The following RBMS1 variants were observed in gnomAD, a reference collection of about 807,000 sequenced individuals.
RBMS1 encodes the protein RNA-binding motif, single-stranded-interacting protein 1.
In RBMS1, 17 loss-of-function variants were observed where a neutral mutation model predicts 62.3. The observed-to-expected ratio is 0.27, with a 90% CI of 0.19 to 0.41. RBMS1 has a LOEUF of 0.41. RBMS1 is among the 10% of genes least tolerant of loss of function. RBMS1 has a pLI of 1.00. For missense variants in RBMS1, 334 were observed against 504.5 expected (o/e 0.66, Z 3.24); for synonymous variants, 172 against 170.0 (o/e 1.01, Z -0.09).
intron 2 of RBMS1, among the ~76,000 whole-genome samples, chr2:160,323,597 T>C (rs1268002567): frequency 1.5e-5 from 2 of 137,452 alleles, no homozygotes; most frequent in East Asian, 4.3e-4. Flanking sequence ...CAGCATGATG[T>C]AGAATTTCAT....
At chr2:160,331,727 G>A (rs1227172970) in intron 2 of RBMS1, among the ~76,000 whole-genome samples, 1 of 152,170 alleles carries the variant, frequency 6.6e-6, no homozygotes, top group Non-Finnish European at 1.5e-5. Flanking sequence ...CAAAGAGCTA[G>A]AAATCACATC....
chr2:160,300,908 T>C (rs553008838), intron 5 of RBMS1, among the ~76,000 whole-genome samples, 178 bp from the exon 6 acceptor site: 4 of 152,310 alleles, frequency 2.6e-5, no homozygotes, highest in South Asian at 4.1e-4. Context: ...TGTACTTCTA[T>C]AGTAAAATGA....
intron 2 of RBMS1, among the ~76,000 whole-genome samples, chr2:160,355,072 A>G (rs1399562916): frequency 6.6e-6 from 1 of 152,172 alleles, no homozygotes; most frequent in African/African-American, 2.4e-5. Context: ...AGTTGCAAAC[A>G]CTTTATTAAA....
chr2:160,428,021 G>T (rs1039315407), intron 1 of RBMS1, among the ~76,000 whole-genome samples: 1 of 151,924 alleles, frequency 6.6e-6, no homozygotes, highest in Non-Finnish European at 1.5e-5. Context: ...GTTAAATTAG[G>T]TTATTATAAA....
At chr2:160,291,363 G>T (rs1688669520) in intron 6 of RBMS1, among the ~76,000 whole-genome samples, 1 of 152,154 alleles carries the variant, frequency 6.6e-6, no homozygotes. Flanking sequence ...AGTCCACTCA[G>T]CAACTGTAAT....
At chr2:160,465,051 A>G (rs1684628071) in intron 1 of RBMS1, among the ~76,000 whole-genome samples, 1 of 152,200 alleles carries the variant, frequency 6.6e-6, no homozygotes, top group Admixed American at 6.5e-5. Context: ...AAGCAAATGA[A>G]TCTTGAGGAT....
chr2:160,387,479 C>T (rs1326772206), intron 1 of RBMS1, among the ~76,000 whole-genome samples: 1 of 151,950 alleles, frequency 6.6e-6, no homozygotes, highest in Admixed American at 6.6e-5. Flanking sequence ...GGAGCCACGT[C>T]GTGGTCTGGG....
intron 13 of RBMS1, 35 bp downstream of exon 13, chr2:160,275,595 T>G (rs1207405230): frequency 1.2e-6 from 2 of 1,605,434 alleles, no homozygotes; most frequent in Non-Finnish European, 1.7e-6. Flanking sequence ...GTGCTTGATT[T>G]GAGCCCCCCA....
intron 2 of RBMS1, among the ~76,000 whole-genome samples, chr2:160,321,132 A>G (rs551351363): frequency 6.6e-6 from 1 of 152,116 alleles, no homozygotes; most frequent in African/African-American, 2.4e-5. Flanking sequence ...AAGACAGGAA[A>G]ATGCATGGAG....
At chr2:160,325,149 A>G (rs1346142899) in intron 2 of RBMS1, among the ~76,000 whole-genome samples, 1 of 151,994 alleles carries the variant, frequency 6.6e-6, no homozygotes, top group African/African-American at 2.4e-5. Flanking sequence ...CACCAACCAC[A>G]GACTGTGCCA....
At chr2:160,287,146 G>A (rs377309988) in intron 6 of RBMS1, 62 bp from the exon 7 acceptor site, 2 of 1,594,172 alleles carry the variant, frequency 1.3e-6, no homozygotes, top group East Asian at 4.5e-5. Context: ...ATGACAAAAT[G>A]TATTACAAAA....
chr2:160,281,702 G>GA (rs1165199919), intron 9 of RBMS1: 1 of 205,006 alleles, frequency 4.9e-6, no homozygotes, highest in Admixed American at 5.6e-5. Context: ...CTCAAATAGT[G>GA]AAAAGTGTTA....
chr2:160,352,679 C>T (rs913589521), intron 2 of RBMS1, among the ~76,000 whole-genome samples: 3 of 152,172 alleles, frequency 2.0e-5, no homozygotes, highest in South Asian at 2.1e-4. Flanking sequence ...TGCACATGTC[C>T]GTTCATATAA....
chr2:160,298,339 G>A (rs1027921243), intron 6 of RBMS1, among the ~76,000 whole-genome samples: 3 of 151,938 alleles, frequency 2.0e-5, no homozygotes, highest in Non-Finnish European at 4.4e-5. Context: ...TTCTGGAGAG[G>A]ATGAATATAA....
At chr2:160,389,321 T>C (rs529996750) in intron 1 of RBMS1, among the ~76,000 whole-genome samples, 1 of 152,332 alleles carries the variant, frequency 6.6e-6, no homozygotes, top group South Asian at 2.1e-4. Context: ...TAAATGCTAT[T>C]GTTACAAAGA....
At chr2:160,444,844 G>A (rs1683576193) in intron 1 of RBMS1, among the ~76,000 whole-genome samples, 2 of 152,118 alleles carry the variant, frequency 1.3e-5, no homozygotes, top group Non-Finnish European at 2.9e-5. Flanking sequence ...GGACACATGC[G>A]CACACAGCAA....
At chr2:160,424,185 A>G (rs1156969819) in intron 1 of RBMS1, among the ~76,000 whole-genome samples, 12 of 151,814 alleles carry the variant, frequency 7.9e-5, no homozygotes, top group Admixed American at 7.9e-4. Context: ...CACGCTGGCT[A>G]ATTTTTGTAT....
At chr2:160,450,779 A>G (rs1683950794) in intron 1 of RBMS1, among the ~76,000 whole-genome samples, 1 of 152,188 alleles carries the variant, frequency 6.6e-6, no homozygotes, top group African/African-American at 2.4e-5. Flanking sequence ...TCCCAAGCCA[A>G]TATTTTGAAA....
intron 1 of RBMS1, among the ~76,000 whole-genome samples, chr2:160,485,360 A>G (rs2105363338): frequency 6.6e-6 from 1 of 152,316 alleles, no homozygotes; most frequent in South Asian, 2.1e-4. Flanking sequence ...ACTCACCCAA[A>G]GAAAGCAAAG....
Sources: gnomAD v4.1 joint callset for allele counts (sites outside exome capture counted in the v4.1 genomes callset) on GRCh38, gnomAD v4.1.1 for gene constraint, MANE v1.5 for transcripts, NCBI Gene and HGNC (gene_info 2026-07-23, HGNC 2026-07-21) for gene names.